The following RBMS3 variants were observed in gnomAD, a reference collection of about 807,000 sequenced individuals.
The protein encoded by RBMS3 is RNA binding motif single stranded interacting protein 3, also known as RNA-binding motif, single-stranded-interacting protein 3.
RBMS3 carries 27 observed loss-of-function variants against 66.8 expected under a neutral mutation model. That is an observed-to-expected ratio of 0.40 (90% CI 0.30 to 0.56). The LOEUF (loss-of-function observed/expected upper bound fraction) is 0.56, where lower values mean the gene tolerates loss of function less well. Ranked by LOEUF, RBMS3 falls within the 20% of genes least tolerant of loss-of-function variation. RBMS3 has a pLI of 0.40. For missense variants in RBMS3, 513 were observed against 549.5 expected (o/e 0.93, Z 0.66); for synonymous variants, 188 against 183.0 (o/e 1.03, Z -0.22).
At chr3:29,537,510 C>CCAAT (rs2045606749) in intron 3 of RBMS3, 1 of 152,048 alleles carries the variant, frequency 6.6e-6, no homozygotes, top group South Asian at 2.1e-4. Flanking sequence ...GTCACAGGAA[C>CCAAT]CAATGCAGGA....
At chr3:29,902,569 G>T (rs1308842975) in intron 10 of RBMS3, among the ~76,000 whole-genome samples, 1 of 151,770 alleles carries the variant, frequency 6.6e-6, no homozygotes, top group East Asian at 1.9e-4. Flanking sequence ...AATGCCCATT[G>T]AGAATCTCCT....
At chr3:29,719,722 C>T (rs990997948) in intron 4 of RBMS3, among the ~76,000 whole-genome samples, 10 of 152,152 alleles carry the variant, frequency 6.6e-5, no homozygotes, top group African/African-American at 2.4e-4. Context: ...ACCCTGAGAT[C>T]ATCCTTGGAC....
chr3:29,691,947 C>CTCTCTCTCTTTTTTTTTTT lies in RBMS3; in HGVS notation c.400-47772_400-47771insCTCTCTCTTTTTTTTTTTT, dbSNP rs1218393454. Reference sequence around the variant, plus strand: ...GTGTGACCCTTCTCTCTCTCTCTCTCTATTTTTTTTTTTTTTTTTTGAGAT... The same window carrying CTCTCTCTCTTTTTTTTTTT: ...GTGTGACCCTTCTCTCTCTCTCTCTCTCTCTCTCTTTTTTTTTTTTATTTTTTTTTTTTTTTTTTGAGAT... On this transcript the variant is annotated intron_variant, in intron 4 of 14. Coordinates refer to ENST00000383767, the MANE Select transcript of RBMS3 (RefSeq NM_001003793.3). Among the ~76,000 whole-genome samples, 68 of 53,436 alleles carry CTCTCTCTCTTTTTTTTTTT rather than the reference C, an allele frequency of 1.3e-3. 1 individual carries two copies. The highest frequency in any genetic ancestry group is 4.6e-3 in the African/African-American group (61 of 13,322). The allele number at this position is 53,436 out of a possible 152,430, so 35.1% of individuals were successfully genotyped here. A position where few individuals can be genotyped will look rare whatever the true frequency, so the allele number is the denominator to read the frequency against.
intron 1 of RBMS3, among the ~76,000 whole-genome samples, chr3:29,396,888 C>T (rs1173126440): frequency 6.6e-6 from 1 of 152,086 alleles, no homozygotes; most frequent in Admixed American, 6.6e-5. Flanking sequence ...CAGGCAGGGA[C>T]GTTTTCTCTT....
intron 6 of RBMS3, among the ~76,000 whole-genome samples, chr3:29,828,332 C>A (rs2058264010): frequency 6.6e-6 from 1 of 151,868 alleles, no homozygotes; most frequent in Admixed American, 6.6e-5. Context: ...TTATATTATT[C>A]TTTATTTTGT....
chr3:29,447,789 A>G (rs190904921), intron 2 of RBMS3, among the ~76,000 whole-genome samples: 145 of 152,298 alleles, frequency 9.5e-4, no homozygotes, highest in Admixed American at 5.4e-3. Context: ...ATTCAAATAT[A>G]CTTCTAATGT....
chr3:29,809,173 CATGTT>C (rs1458877492), intron 6 of RBMS3, among the ~76,000 whole-genome samples: 1 of 151,586 alleles, frequency 6.6e-6, no homozygotes, highest in African/African-American at 2.4e-5. Flanking sequence ...AGTTTAATGA[CATGTT>C]ATAAGAAATT....
At chr3:29,581,707 A>G (rs1442111428) in intron 3 of RBMS3, among the ~76,000 whole-genome samples, 1 of 152,216 alleles carries the variant, frequency 6.6e-6, no homozygotes, top group African/African-American at 2.4e-5. Flanking sequence ...GTGCTACACC[A>G]AGCCATCTGT....
intron 1 of RBMS3, among the ~76,000 whole-genome samples, chr3:29,323,537 T>G (rs2035130791): frequency 6.6e-6 from 1 of 152,074 alleles, no homozygotes; most frequent in African/African-American, 2.4e-5. Context: ...AAATGCAGGT[T>G]TAACTCCAGC....
chr3:29,949,626 A>T (rs1272503527), intron 12 of RBMS3, among the ~76,000 whole-genome samples: 1 of 151,844 alleles, frequency 6.6e-6, no homozygotes, highest in African/African-American at 2.4e-5. Flanking sequence ...AATATCAGAA[A>T]ATCTGAGATG....
intron 6 of RBMS3, among the ~76,000 whole-genome samples, chr3:29,866,903 A>G (rs1004313022): frequency 1.3e-5 from 2 of 152,120 alleles, no homozygotes; most frequent in African/African-American, 4.8e-5. Context: ...CAGTGAGGCA[A>G]TGATATTTAT....
At chr3:29,771,801 T>C (rs11717684) in intron 6 of RBMS3, among the ~76,000 whole-genome samples, 18,105 of 151,900 alleles carry the variant, frequency 0.12, 1,781 homozygotes, top group African/African-American at 0.27. Flanking sequence ...ACATGGCTGG[T>C]GCAGGAGGAA....
rs545923400 is a variant in RBMS3, at chr3:29,851,164, CTT to C, written c.638-17693_638-17692del. On this transcript the variant is annotated intron_variant, in intron 6 of 14. Transcript: ENST00000383767. ...AATTGAAGTTTTATTTATATGTTTACTTGTCTTTTGGCTGTCCCTTTTACTAA... is the reference window on the plus strand; with the variant it reads ...AATTGAAGTTTTATTTATATGTTTACGTCTTTTGGCTGTCCCTTTTACTAA... 4.1e-3 allele frequency among the ~76,000 whole-genome samples: 623 copies of C among 152,206 alleles called. 2 individuals are homozygous for C. The highest frequency in any genetic ancestry group is 7.9e-3 in the South Asian group (38 of 4,826).
At chr3:29,504,686 C>G (rs907719402) in intron 3 of RBMS3, among the ~76,000 whole-genome samples, 5 of 151,872 alleles carry the variant, frequency 3.3e-5, no homozygotes, top group African/African-American at 9.7e-5. Context: ...TCTCTAATGG[C>G]TATACTAATT....
intron 1 of RBMS3, among the ~76,000 whole-genome samples, chr3:29,345,136 G>C (rs1208891326): frequency 3.3e-5 from 5 of 152,220 alleles, no homozygotes; most frequent in African/African-American, 1.2e-4. Flanking sequence ...TATGGTGGAA[G>C]TGAGCTATTG....
At chr3:29,413,640 T>C (rs764725268) in intron 1 of RBMS3, among the ~76,000 whole-genome samples, 2 of 152,142 alleles carry the variant, frequency 1.3e-5, no homozygotes, top group Non-Finnish European at 2.9e-5. Context: ...ACATCCAGGG[T>C]TAAGTAAGAT....
intron 4 of RBMS3, among the ~76,000 whole-genome samples, chr3:29,610,793 GAGA>G (rs1460285473): frequency 6.6e-6 from 1 of 152,020 alleles, no homozygotes; most frequent in African/African-American, 2.4e-5. Flanking sequence ...ATTTTTGAAG[GAGA>G]AGTACTTCTG....
intron 1 of RBMS3, among the ~76,000 whole-genome samples, chr3:29,366,772 T>C (rs1263795057): frequency 6.6e-6 from 1 of 152,180 alleles, no homozygotes; most frequent in East Asian, 1.9e-4. Flanking sequence ...TTAACACAAA[T>C]AAAATTAGAT....
chr3:29,649,439 T>G (rs1278064117), intron 4 of RBMS3, among the ~76,000 whole-genome samples: 4 of 152,340 alleles, frequency 2.6e-5, no homozygotes, highest in East Asian at 1.9e-4. Flanking sequence ...CTTACTTTTT[T>G]TAAATTTTTC....
Sources: allele counts gnomAD v4.1 joint callset (sites outside exome capture counted in the v4.1 genomes callset), GRCh38; gene constraint gnomAD v4.1.1; transcripts MANE v1.5; gene names NCBI Gene and HGNC (gene_info 2026-07-23, HGNC 2026-07-21).